PARP4: variants seen among roughly 807,000 people sequenced by gnomAD.
PARP4 encodes poly(ADP-ribose) polymerase family member 4, also known as protein mono-ADP-ribosyltransferase PARP4.
In PARP4, 120 loss-of-function variants were observed where a neutral mutation model predicts 187.7. The observed-to-expected ratio is 0.64, with a 90% CI of 0.55 to 0.74. The LOEUF is 0.74. PARP4 is among the 30% of genes least tolerant of loss of function. The pLI is 0.00. For synonymous variants in PARP4, 654 were observed against 740.9 expected, an observed-to-expected ratio of 0.88 and a Z score of 1.90; for missense variants, 1,836 against 2,070.5, an observed-to-expected ratio of 0.89 and a Z score of 2.20.
At chr13:24,476,537 A>G (rs1872997100) in intron 14 of PARP4, among the ~76,000 whole-genome samples, 1 of 152,198 alleles carries the variant, frequency 6.6e-6, no homozygotes, top group Non-Finnish European at 1.5e-5. Context: ...ATGGCAGCAT[A>G]TTGAAAAATG....
chr13:24,488,572 T>C (rs1433233461), intron 10 of PARP4, among the ~76,000 whole-genome samples: 2 of 152,106 alleles, frequency 1.3e-5, no homozygotes, highest in Non-Finnish European at 2.9e-5. Flanking sequence ...CAGGCTGGTC[T>C]CAAACTCCTG....
chr13:24,448,066 G>T (rs193261327), intron 25 of PARP4, among the ~76,000 whole-genome samples: 3 of 145,002 alleles, frequency 2.1e-5, no homozygotes, highest in Non-Finnish European at 4.5e-5. Context: ...GTGTGGTGGT[G>T]TGGGTGTGGT....
At chr13:24,496,203 T>C (rs796943032) in intron 6 of PARP4, among the ~76,000 whole-genome samples, 42 of 148,714 alleles carry the variant, frequency 2.8e-4, no homozygotes, top group African/African-American at 8.8e-4. Context: ...TATCATGTTT[T>C]TCACCTTCAT....
At chr13:24,469,766 A>C (rs2137499335) in intron 16 of PARP4, 128 bp downstream of exon 16, 1 of 967,882 alleles carries the variant, frequency 1.0e-6, no homozygotes, top group East Asian at 2.6e-5. Context: ...TCTTCAAAGA[A>C]TATTCTCGTT....
intron 12 of PARP4, among the ~76,000 whole-genome samples, chr13:24,479,776 C>T (rs1248731562): frequency 6.6e-6 from 1 of 152,190 alleles, no homozygotes; most frequent in African/African-American, 2.4e-5. Flanking sequence ...AGTGGCAACC[C>T]GCTCTGGTCC....
intron 24 of PARP4, among the ~76,000 whole-genome samples, chr13:24,451,773 T>G (rs1316507861): frequency 6.6e-6 from 1 of 152,176 alleles, no homozygotes; most frequent in Non-Finnish European, 1.5e-5. Flanking sequence ...TCCTTACACA[T>G]ACACCGCATA....
chr13:24,464,730 G>A (rs1324837007), intron 17 of PARP4, among the ~76,000 whole-genome samples: 2 of 152,064 alleles, frequency 1.3e-5, no homozygotes, highest in East Asian at 3.9e-4. Context: ...TCAGGACATA[G>A]GCACAGTCAA....
In PARP4 at chr13:24,456,287, T is replaced by G. The variant is rs548342387; in HGVS notation, c.2562+54A>C. On this transcript the variant is annotated intron_variant, in intron 21 of 33. Coordinates refer to ENST00000381989, the MANE Select transcript of PARP4 (RefSeq NM_006437.4). ...ATAATTTGCAAGTTTAACCAGCTTA[T>G]TCTGAAACATTTTTTCAATAGTGTC... The G allele has an allele frequency of 2.8e-6, 4 of 1,448,456 alleles. No individual in the cohort carries two copies. In the South Asian group the frequency reaches 5.5e-5, roughly 20 times the overall value. The allele number at this position is 1,448,456 out of a possible 1,614,324, so 89.7% of individuals were successfully genotyped here. A position where few individuals can be genotyped will look rare whatever the true frequency, so the allele number is the denominator to read the frequency against.
intron 1 of PARP4, among the ~76,000 whole-genome samples, chr13:24,508,716 G>A (rs950681995): frequency 2.6e-5 from 4 of 152,102 alleles, no homozygotes; most frequent in African/African-American, 9.7e-5. Flanking sequence ...GTTTCACCAT[G>A]TTGGCCAGGC....
intron 11 of PARP4, among the ~76,000 whole-genome samples, chr13:24,485,071 T>G (rs1257254715): frequency 6.6e-6 from 1 of 152,254 alleles, no homozygotes; most frequent in Non-Finnish European, 1.5e-5. Context: ...TTTTATGGTT[T>G]GATTTTAAAT....
At chr13:24,450,377 A>G (rs370585564) in intron 24 of PARP4, among the ~76,000 whole-genome samples, 7,418 of 137,602 alleles carry the variant, frequency 0.054, 332 homozygotes, top group Middle Eastern at 0.094. Context: ...GCTTAGAGGA[A>G]TTCCTCCTGA....
Position 24,490,733 on chromosome 13 carries a change from C to T in PARP4, c.1149G>A (p.Glu383=), listed in dbSNP as rs746510477. The change falls in exon 10 of 34, where the codon GAG becomes GAA. Residue 383 remains glutamate, a synonymous_variant. Transcript: ENST00000381989. The part of the protein sequence containing the change: ...AKYRALRCKI[E]HVEQNTEEFL... The stretch of plus-strand genomic sequence containing the variant: ...ATTCTTCAGTATTCTGTTCAACATG[C>T]TCAATTTTGCACCTCAAAGCTCGGT... 1 of 1,614,006 alleles carries T rather than the reference C, an allele frequency of 6.2e-7. No individual in the cohort carries two copies. Among genetic ancestry groups the T allele is most frequent in the Admixed American group, 1.7e-5 (1 of 60,026 alleles).
chr13:24,454,963 T>C, intron 22 of PARP4, 54 bp downstream of exon 22: 1 of 1,409,164 alleles, frequency 7.1e-7, no homozygotes, highest in Non-Finnish European at 9.7e-7. Flanking sequence ...CTCTACAGAA[T>C]GTGATTCACA....
At chr13:24,459,908 C>T in intron 18 of PARP4, 64 bp downstream of exon 18, 3 of 1,397,394 alleles carry the variant, frequency 2.1e-6, no homozygotes, top group South Asian at 2.7e-5. Flanking sequence ...AATTCCTCCA[C>T]AGCCCTCCAC....
chr13:24,470,147 C>T, intron 15 of PARP4, 122 bp from the exon 16 acceptor site: 1 of 858,386 alleles, frequency 1.2e-6, no homozygotes, highest in Non-Finnish European at 1.7e-6. Flanking sequence ...TATCACGTCC[C>T]TCAAATTCCC....
intron 7 of PARP4, 110 bp downstream of exon 7, chr13:24,494,463 G>GGATA (rs1868830020): frequency 3.1e-6 from 3 of 953,382 alleles, no homozygotes; most frequent in Non-Finnish European, 4.7e-6. Flanking sequence ...CAAACTGCTG[G>GGATA]GATACAGGCA....
At chr13:24,506,960 G>T (rs147163087) in intron 1 of PARP4, among the ~76,000 whole-genome samples, 2,947 of 152,336 alleles carry the variant, frequency 0.019, 38 homozygotes, top group Middle Eastern at 0.041. Flanking sequence ...CCGCGGGGAG[G>T]CAGCTAAGGC....
Position 24,492,458 on chromosome 13 carries a change from T to G in PARP4, c.1016A>C (p.Asn339Thr), listed in dbSNP as rs757200602. ...TGCTTTCTTAGCCAATAGTCCCAGGTTCACTTCTTTGGGCATTGTGCCTTT... is the reference window on the plus strand; with the variant it reads ...TGCTTTCTTAGCCAATAGTCCCAGGGTCACTTCTTTGGGCATTGTGCCTTT... ...PHKGTMPKEV[N>T]LGLLAKKADL... The change falls in exon 9 of 34, where the codon AAC becomes ACC. Residue 339 changes from asparagine (N) to threonine (T), a missense_variant. Asn to Thr is a moderately conservative substitution (Grantham distance 65). Transcript: ENST00000381989. 4 of 1,613,956 alleles carry G rather than the reference T, an allele frequency of 2.5e-6. No homozygotes were observed. In the African/African-American group the frequency reaches 5.3e-5, roughly 22 times the overall value.
intron 27 of PARP4, among the ~76,000 whole-genome samples, chr13:24,444,961 T>C (rs376390437): frequency 1.1e-4 from 17 of 152,278 alleles, no homozygotes; most frequent in African/African-American, 3.4e-4. Context: ...CCAGAGGTGC[T>C]TCTATTCTCT....
Sources: gnomAD v4.1 joint callset for allele counts (sites outside exome capture counted in the v4.1 genomes callset) on GRCh38, gnomAD v4.1.1 for gene constraint, MANE v1.5 for transcripts, NCBI Gene and HGNC (gene_info 2026-07-23, HGNC 2026-07-21) for gene names.